AP2A2: variants seen among roughly 807,000 people sequenced by gnomAD.
The protein encoded by AP2A2 is adaptor related protein complex 2 subunit alpha 2, also known as AP-2 complex subunit alpha-2.
AP2A2 carries 32 observed loss-of-function variants against 104.2 expected under a neutral mutation model. The observed-to-expected ratio is 0.31, with a 90% CI of 0.23 to 0.41. The LOEUF is 0.41. AP2A2 is among the 10% of genes least tolerant of loss of function. The pLI is 1.00. For synonymous variants in AP2A2, 539 were observed against 533.3 expected, an observed-to-expected ratio of 1.01 and a Z score of -0.15; for missense variants, 912 against 1,261.0, an observed-to-expected ratio of 0.72 and a Z score of 4.19.
intron 2 of AP2A2, among the ~76,000 whole-genome samples, chr11:962,832 C>T (rs1854487301): frequency 6.6e-6 from 1 of 152,166 alleles, no homozygotes; most frequent in South Asian, 2.1e-4. Flanking sequence ...AAGGTGGCCC[C>T]TCCTACACAG....
chr11:971,069 G>T (rs2134622622), intron 3 of AP2A2, among the ~76,000 whole-genome samples: 1 of 152,348 alleles, frequency 6.6e-6, no homozygotes, highest in East Asian at 1.9e-4. Context: ...ATGTCTTGGG[G>T]TTTTGATAAG....
chr11:989,594 G>A (rs918619089), intron 10 of AP2A2, among the ~76,000 whole-genome samples: 3 of 152,196 alleles, frequency 2.0e-5, no homozygotes, highest in African/African-American at 2.4e-5. Flanking sequence ...TTAATGTCCC[G>A]TGTTGTTTTT....
At chr11:1,007,738 C>G in intron 17 of AP2A2, 1 of 542,508 alleles carries the variant, frequency 1.8e-6, no homozygotes, top group Middle Eastern at 4.9e-4. Flanking sequence ...GACCCAGAGC[C>G]GAGGCTCAGA....
rs898573037 is a variant in AP2A2 at position 968,642 on chromosome 11, A to G, written c.137-1527A>G. Among the ~76,000 whole-genome samples the G allele has an allele frequency of 2.0e-5, 3 of 152,090 alleles. No individual in the cohort carries two copies. Among genetic ancestry groups the G allele is most frequent in the African/African-American group, 7.2e-5 (3 of 41,412 alleles). On this transcript the variant is annotated intron_variant, in intron 2 of 21. Coordinates refer to ENST00000448903, the MANE Select transcript of AP2A2 (RefSeq NM_012305.4). The surrounding 1 kb of genome is among the most constrained non-coding windows in gnomAD (Gnocchi z 4.2). ...GCGGGTGATGGAATCTGGGCTGGGT[A>G]GGAGACACGGTGCTGGGGCTTCCCA...
At chr11:1,008,253 C>T (rs953337063) in intron 18 of AP2A2, 118 bp downstream of exon 18, 1 of 1,377,554 alleles carries the variant, frequency 7.3e-7, no homozygotes, top group Non-Finnish European at 9.6e-7. Context: ...TGCGGGTGCT[C>T]ACGGTGCATG....
intron 17 of AP2A2, 181 bp from the exon 18 acceptor site, chr11:1,007,831 T>C (rs10902267): frequency 0.52 from 396,203 of 767,700 alleles, 105,647 homozygotes; most frequent in Admixed American, 0.66. Flanking sequence ...GCAGACAGTG[T>C]TTTGAGGATT....
At position 992,613 on chromosome 11, in the gene AP2A2, G is replaced by A. The variant is rs1855696995; in HGVS notation, c.1380G>A (p.Val460=). The change falls in exon 11 of 22, where the codon GTG becomes GTA. Residue 460 remains valine (V), a synonymous_variant. Coordinates refer to ENST00000448903, the MANE Select transcript of AP2A2 (RefSeq NM_012305.4). This position sits in a 1 kb window ranked among gnomAD's most constrained non-coding sequence, Gnocchi z 6.4. ...CTGGTGATTACGTGAGTGAAGAGGT[G>A]TGGTACCGAGTCATTCAGATCGTCA... The part of the protein sequence containing the change: ...RIAGDYVSEE[V]WYRVIQIVIN... 2 of 1,613,996 alleles carry A rather than the reference G, an allele frequency of 1.2e-6. No individual in the cohort carries two copies. The highest frequency in any genetic ancestry group is 8.5e-7 in the Non-Finnish European group (1 of 1,179,906).
At chr11:940,643 G>A (rs1853614997) in intron 1 of AP2A2, 1 of 354,100 alleles carries the variant, frequency 2.8e-6, no homozygotes, top group Admixed American at 3.8e-5. Flanking sequence ...GTTTCCTTTG[G>A]CGTTTCCTTC....
rs1590005290 is a variant in AP2A2, at chr11:993,680, C to G, written c.1551-74C>G. ...GCAGGCCAGGGGGTCTCGCCGCCGT[C>G]CCCCCCCCGCGGGGGCGTGCTGCAG... is the stretch of plus-strand genomic sequence containing the variant. On this transcript the variant is annotated intron_variant, in intron 12 of 21. Coordinates refer to ENST00000448903, the MANE Select transcript of AP2A2 (RefSeq NM_012305.4). This position sits in a 1 kb window ranked among gnomAD's most constrained non-coding sequence, Gnocchi z 8.2. The G allele has an allele frequency of 4.2e-6, 4 of 952,210 alleles. No homozygotes were observed. The highest frequency in any genetic ancestry group is 5.8e-6 in the Non-Finnish European group (4 of 691,274). The allele number at this position is 952,210 out of a possible 1,614,324, so 59.0% of individuals were successfully genotyped here.
rs752069554 is a variant in AP2A2, at chr11:984,681, A to G, written c.742A>G (p.Thr248Ala). The G allele has an allele frequency of 7.4e-6, 12 of 1,613,390 alleles. No individual in the cohort carries two copies. The highest frequency in any genetic ancestry group is 1.0e-5 in the Non-Finnish European group (12 of 1,179,700). The change falls in exon 7 of 22, where the codon ACT (threonine) becomes GCT (alanine). Residue 248 changes from threonine to alanine, a missense_variant. Thr to Ala is a moderately conservative substitution (Grantham distance 58, BLOSUM62 0). This residue lies in a region of AP2A2 where 350 missense variants were observed against 487.0 expected (regional missense o/e 0.72). Coordinates refer to ENST00000448903, the MANE Select transcript of AP2A2 (RefSeq NM_012305.4). ...TSASTDLQDYTYYFVPAPWLS... is the reference protein window; with the variant it reads ...TSASTDLQDYAYYFVPAPWLS... Reference sequence around the variant, plus strand: ...TGCATCCACAGATCTCCAGGATTACACTTACTATTTTGTCCCGGCTCCCTG... The same window carrying G: ...TGCATCCACAGATCTCCAGGATTACGCTTACTATTTTGTCCCGGCTCCCTG...
intron 1 of AP2A2, among the ~76,000 whole-genome samples, chr11:944,174 G>A (rs1357309804): frequency 6.6e-6 from 1 of 152,244 alleles, no homozygotes; most frequent in Non-Finnish European, 1.5e-5. Context: ...CCCCGAAGGA[G>A]AGGATGCTGT....
chr11:1,010,765 T>A lies in AP2A2; in HGVS notation c.*140T>A. 4.0e-6 allele frequency: 3 copies of A among 743,670 alleles called. No homozygotes were observed. Among genetic ancestry groups the A allele is most frequent in the Non-Finnish European group, 7.1e-6 (3 of 421,876 alleles). The allele number at this position is 743,670 out of a possible 1,614,324, so 46.1% of individuals were successfully genotyped here. On this transcript the variant is annotated 3_prime_UTR_variant, in exon 22 of 22. Coordinates refer to ENST00000448903, the MANE Select transcript of AP2A2 (RefSeq NM_012305.4). ...TCCCCGCCCCGCCGCCCCACACCTCTCCCCTTTGGGCTGGACGGGAACACA... is the reference window on the plus strand; with the variant it reads ...TCCCCGCCCCGCCGCCCCACACCTCACCCCTTTGGGCTGGACGGGAACACA...
chr11:992,397 C>T lies in AP2A2; in HGVS notation c.1270-106C>T. 8.5e-7 allele frequency: 1 copy of T among 1,177,462 alleles called. No homozygotes were observed. The highest frequency in any genetic ancestry group is 1.3e-5 in the South Asian group (1 of 75,758). 72.9% of individuals were successfully genotyped at this position (1,177,462 alleles called of 1,614,324 possible). On this transcript the variant is annotated intron_variant, in intron 10 of 21. Transcript: ENST00000448903. The surrounding 1 kb of genome is among the most constrained non-coding windows in gnomAD (Gnocchi z 6.4). ...CCTCCATGTCCCAAACTTTTGTAGA[C>T]ACATTGAGGTGCTTCTGAAACTCTC...
intron 4 of AP2A2, among the ~76,000 whole-genome samples, chr11:976,561 A>T (rs1855045386): frequency 6.6e-6 from 1 of 152,078 alleles, no homozygotes; most frequent in Non-Finnish European, 1.5e-5. Flanking sequence ...CTGGACAAGC[A>T]TGTTGGCAGC....
intron 18 of AP2A2, chr11:1,008,669 G>T (rs1212813142): frequency 8.9e-6 from 2 of 225,622 alleles, no homozygotes; most frequent in Non-Finnish European, 1.7e-5. Flanking sequence ...TGTCTGCAAG[G>T]TTAGGAATGT....
At chr11:999,969 A>G (rs1855975779) in intron 14 of AP2A2, among the ~76,000 whole-genome samples, 1 of 151,566 alleles carries the variant, frequency 6.6e-6, no homozygotes, top group Non-Finnish European at 1.5e-5. Context: ...ACGCCCGGCT[A>G]ATTTTTTTTG....
intron 6 of AP2A2, among the ~76,000 whole-genome samples, chr11:983,424 C>G (rs1441483579): frequency 2.0e-5 from 3 of 151,374 alleles, no homozygotes; most frequent in Non-Finnish European, 4.4e-5. Context: ...ACTCTGTCGC[C>G]CAGGCTGGAG....
chr11:979,864 G>A (rs184108647), intron 5 of AP2A2, among the ~76,000 whole-genome samples: 2 of 152,270 alleles, frequency 1.3e-5, no homozygotes, highest in Admixed American at 6.5e-5. Flanking sequence ...CCGTGCCCAC[G>A]CAAGTAGACA....
intron 1 of AP2A2, among the ~76,000 whole-genome samples, chr11:935,907 T>C (rs546728980): frequency 6.0e-5 from 9 of 150,768 alleles, no homozygotes; most frequent in African/African-American, 2.2e-4. Context: ...TTCCTTTTTT[T>C]TTTTTTTTCC....
Sources: gnomAD v4.1 joint callset for allele counts (sites outside exome capture counted in the v4.1 genomes callset) on GRCh38, gnomAD v4.1.1 for gene constraint, gnomAD v4.1.1 regional missense constraint, Gnocchi (gnomAD v3.1) non-coding constraint, MANE v1.5 for transcripts, NCBI Gene and HGNC (gene_info 2026-07-23, HGNC 2026-07-21) for gene names.